The following GTF2E2 variants were observed in gnomAD, a reference collection of about 807,000 sequenced individuals.
GTF2E2 encodes the protein general transcription factor IIE subunit 2.
A neutral mutation model predicts 40.5 loss-of-function variants in GTF2E2; 21 were observed. The observed-to-expected ratio is 0.52, with a 90% CI of 0.37 to 0.75. GTF2E2 has a LOEUF of 0.75. GTF2E2 is among the 30% of genes least tolerant of loss of function. The pLI is 0.00. For missense variants in GTF2E2, 298 were observed against 338.4 expected (o/e 0.88, Z 0.94); for synonymous variants, 117 against 121.6 (o/e 0.96, Z 0.25).
intron 2 of GTF2E2, among the ~76,000 whole-genome samples, chr8:30,639,638 T>C (rs1322901447): frequency 1.3e-5 from 2 of 152,212 alleles, no homozygotes; most frequent in African/African-American, 4.8e-5. Context: ...AATTTTATAC[T>C]ATTCAAGCAT....
chr8:30,605,348 A>G (rs1336881004), intron 6 of GTF2E2, among the ~76,000 whole-genome samples: 1 of 152,168 alleles, frequency 6.6e-6, no homozygotes, highest in Non-Finnish European at 1.5e-5. Flanking sequence ...TAAGTCACAC[A>G]ATGTTTAAAG....
At chr8:30,583,786 T>C (rs1828586568) in intron 6 of GTF2E2, among the ~76,000 whole-genome samples, 1 of 151,674 alleles carries the variant, frequency 6.6e-6, no homozygotes, top group African/African-American at 2.4e-5. Flanking sequence ...TCAGTATTTA[T>C]TTATTTATTT....
At chr8:30,647,452 G>C (rs954708183) in intron 2 of GTF2E2, among the ~76,000 whole-genome samples, 1 of 151,976 alleles carries the variant, frequency 6.6e-6, no homozygotes, top group African/African-American at 2.4e-5. Flanking sequence ...ACATGGGAAT[G>C]GGGCCCCTGT....
intron 6 of GTF2E2, chr8:30,596,768 T>C (rs1829019531): frequency 6.6e-6 from 1 of 152,186 alleles, no homozygotes; most frequent in South Asian, 2.1e-4. Context: ...GCCTGGGAAA[T>C]GGGCCCGCCT....
rs2128731192 is a variant in GTF2E2, at chr8:30,653,552, G to A, written c.47C>T (p.Ala16Val). ...LRERELFKKR[A>V]LSTPVVEKRS... is the part of the protein sequence containing the mutation. ...TTTTTCTACTACAGGAGTAGAAAGAGCTCGTTTTTTGAACAGCTCCCTTTC... is the reference window on the plus strand; with the variant it reads ...TTTTTCTACTACAGGAGTAGAAAGAACTCGTTTTTTGAACAGCTCCCTTTC... The change falls in exon 2 of 8, where the codon GCT (alanine) becomes GTT (valine). Residue 16 changes from alanine (A) to valine (V), a missense_variant. Ala to Val is a moderately conservative substitution (Grantham distance 64). Transcript: ENST00000355904. The A allele has an allele frequency of 6.2e-7, 1 of 1,613,054 alleles. No individual in the cohort carries two copies. The highest frequency in any genetic ancestry group is 1.1e-5 in the South Asian group (1 of 90,988).
chr8:30,590,942 C>T (rs1165797496), intron 6 of GTF2E2, among the ~76,000 whole-genome samples: 2 of 152,132 alleles, frequency 1.3e-5, no homozygotes, highest in Non-Finnish European at 2.9e-5. Flanking sequence ...CCACCTGCCT[C>T]GGCCTCTCAA....
intron 6 of GTF2E2, among the ~76,000 whole-genome samples, chr8:30,603,212 A>T (rs922416369): frequency 2.7e-4 from 41 of 152,226 alleles, no homozygotes; most frequent in African/African-American, 8.2e-4. Context: ...AATAAACTGT[A>T]ACAAAAATCC....
chr8:30,627,969 A>G (rs1315495370), intron 3 of GTF2E2, among the ~76,000 whole-genome samples: 2 of 152,260 alleles, frequency 1.3e-5, no homozygotes, highest in Non-Finnish European at 2.9e-5. Flanking sequence ...TTCAAGTGAC[A>G]AGACATTGGA....
At chr8:30,651,219 A>T (rs1487122013) in intron 2 of GTF2E2, among the ~76,000 whole-genome samples, 2 of 151,988 alleles carry the variant, frequency 1.3e-5, no homozygotes, top group Non-Finnish European at 2.9e-5. Context: ...AATAAAAATT[A>T]AAAAGTTCAC....
Position 30,578,769 on chromosome 8 carries a change from T to G in GTF2E2, c.*152A>C. On this transcript the variant is annotated 3_prime_UTR_variant, in exon 8 of 8. Transcript: ENST00000355904. ...GAGCCCATTCTACTCAAATAAGCTTTGAGTTTGGTAATTTGCACTTGTTTT... is the reference window on the plus strand; with the variant it reads ...GAGCCCATTCTACTCAAATAAGCTTGGAGTTTGGTAATTTGCACTTGTTTT... 1 of 583,940 alleles carries G rather than the reference T, an allele frequency of 1.7e-6. No homozygotes were observed. The highest frequency in any genetic ancestry group is 3.0e-5 in the East Asian group (1 of 33,882). The allele number at this position is 583,940 out of a possible 1,614,324, so 36.2% of individuals were successfully genotyped here.
chr8:30,635,265 AC>A, intron 2 of GTF2E2, 142 bp from the exon 3 acceptor site: 1 of 529,544 alleles, frequency 1.9e-6, no homozygotes, highest in Non-Finnish European at 3.3e-6. Flanking sequence ...GGTGAAAAAT[AC>A]ACAATCTTTG....
chr8:30,610,305 G>A (rs1829443524), intron 5 of GTF2E2, among the ~76,000 whole-genome samples: 1 of 151,994 alleles, frequency 6.6e-6, no homozygotes, highest in Non-Finnish European at 1.5e-5. Flanking sequence ...AATTAGTTGG[G>A]TGTGGTGGTG....
At chr8:30,627,519 G>A (rs1409159610) in intron 3 of GTF2E2, among the ~76,000 whole-genome samples, 3 of 149,886 alleles carry the variant, frequency 2.0e-5, no homozygotes, top group African/African-American at 4.9e-5. Flanking sequence ...AAAAATCCTC[G>A]GAAATGAAAT....
chr8:30,600,509 CAG>C (rs1829146591), intron 6 of GTF2E2, among the ~76,000 whole-genome samples: 1 of 152,042 alleles, frequency 6.6e-6, no homozygotes, highest in African/African-American at 2.4e-5. Context: ...TGAGGAATCT[CAG>C]AGAGAGGTTA....
chr8:30,600,584 CT>C (rs1221801047), intron 6 of GTF2E2, among the ~76,000 whole-genome samples: 4 of 142,578 alleles, frequency 2.8e-5, no homozygotes, highest in Admixed American at 6.7e-5. Flanking sequence ...ATGAATAAAT[CT>C]TTTTTTAGAG....
rs4733195 is a variant in GTF2E2, at chr8:30,641,474, C to A, written c.167-6351G>T. Among the ~76,000 whole-genome samples, 1,062 of 152,300 alleles carry A rather than the reference C, an allele frequency of 7.0e-3. 59 individuals are homozygous for A. The highest frequency in any genetic ancestry group is 0.06 in the Admixed American group (917 of 15,304). On this transcript the variant is annotated intron_variant, in intron 2 of 7. Coordinates refer to ENST00000355904, the MANE Select transcript of GTF2E2 (RefSeq NM_002095.6). ...ACCTCCTAGGCTCAAGCTATCCCCC[C>A]ACCTGAGCCTCCCAAGTAGCCGAGA...
At position 30,635,026 on chromosome 8, in the gene GTF2E2, A is replaced by T. The variant is rs770374105; in HGVS notation, c.258+6T>A. 13 of 1,502,292 alleles carry T rather than the reference A, an allele frequency of 8.7e-6. No homozygotes were observed. Among genetic ancestry groups the T allele is most frequent in the Non-Finnish European group, 1.2e-5 (13 of 1,082,994 alleles). The allele number at this position is 1,502,292 out of a possible 1,614,324, so 93.1% of individuals were successfully genotyped here. On this transcript the variant is annotated splice_donor_region_variant and intron_variant, in intron 3 of 7. Coordinates refer to ENST00000355904, the MANE Select transcript of GTF2E2 (RefSeq NM_002095.6). ...AGGACTTTTGCTATCTGAGAAAAGTACTTACCTTCATGTAATTCACAATCT... is the reference window on the plus strand; with the variant it reads ...AGGACTTTTGCTATCTGAGAAAAGTTCTTACCTTCATGTAATTCACAATCT...
chr8:30,618,975 G>A (rs1563491157), intron 3 of GTF2E2, among the ~76,000 whole-genome samples: 2 of 151,932 alleles, frequency 1.3e-5, no homozygotes, highest in East Asian at 1.9e-4. Context: ...ATGTAGTCTC[G>A]CCTTGTCACC....
At chr8:30,650,110 C>G (rs1802221584) in intron 2 of GTF2E2, among the ~76,000 whole-genome samples, 1 of 152,016 alleles carries the variant, frequency 6.6e-6, no homozygotes, top group Admixed American at 6.6e-5. Context: ...CCAGAATTAC[C>G]CTGAGAGGCA....
Sources: allele counts gnomAD v4.1 joint callset (sites outside exome capture counted in the v4.1 genomes callset), GRCh38; gene constraint gnomAD v4.1.1; transcripts MANE v1.5; gene names NCBI Gene and HGNC (gene_info 2026-07-23, HGNC 2026-07-21).